Variants in CAMKMT observed in about 807,000 individuals in gnomAD.
CAMKMT encodes CaM KMT.
In CAMKMT, 53 loss-of-function variants were observed where a neutral mutation model predicts 48.0. The ratio of observed to expected loss-of-function variants is 1.10; its 90% confidence interval spans 0.89 to 1.39. The LOEUF is 1.39. Among genes scored for constraint, CAMKMT ranks in the 40% most tolerant of loss-of-function variants. The pLI is 0.00. For synonymous variants in CAMKMT, 165 were observed against 152.3 expected, an observed-to-expected ratio of 1.08 and a Z score of -0.61; for missense variants, 428 against 402.7, an observed-to-expected ratio of 1.06 and a Z score of -0.54.
intron 9 of CAMKMT, among the ~76,000 whole-genome samples, chr2:44,763,162 T>C (rs962507751): frequency 6.6e-6 from 1 of 152,178 alleles, no homozygotes; most frequent in Non-Finnish European, 1.5e-5. Context: ...TGATGGGCTC[T>C]TTTCCATCCT....
chr2:44,712,600 G>T (rs1677942515), intron 6 of CAMKMT, among the ~76,000 whole-genome samples: 1 of 152,102 alleles, frequency 6.6e-6, no homozygotes, highest in Non-Finnish European at 1.5e-5. Context: ...ATATCCTGTA[G>T]CTCTGGAAGT....
chr2:44,439,098 C>A (rs560450417), intron 3 of CAMKMT, among the ~76,000 whole-genome samples: 1 of 152,248 alleles, frequency 6.6e-6, no homozygotes, highest in African/African-American at 2.4e-5. Flanking sequence ...GAAAAGTAAC[C>A]ATACTTTCCT....
At chr2:44,600,995 G>A (rs1670952711) in intron 3 of CAMKMT, among the ~76,000 whole-genome samples, 1 of 151,960 alleles carries the variant, frequency 6.6e-6, no homozygotes, top group African/African-American at 2.4e-5. Context: ...CCAGGTTTCT[G>A]TCATATCCTA....
chr2:44,509,750 T>C (rs1194513597), intron 3 of CAMKMT, among the ~76,000 whole-genome samples: 1 of 152,152 alleles, frequency 6.6e-6, no homozygotes, highest in Non-Finnish European at 1.5e-5. Flanking sequence ...GAGTTGTCAC[T>C]ATTGTAGAAC....
intron 3 of CAMKMT, among the ~76,000 whole-genome samples, chr2:44,550,966 T>C (rs866011915): frequency 1.1e-4 from 17 of 152,210 alleles, no homozygotes; most frequent in Non-Finnish European, 1.5e-4. Context: ...CCTAAACTTC[T>C]GTACACAATA....
intron 3 of CAMKMT, among the ~76,000 whole-genome samples, chr2:44,547,365 A>G (rs1366447718): frequency 1.3e-5 from 2 of 152,128 alleles, no homozygotes; most frequent in African/African-American, 2.4e-5. Flanking sequence ...TGGCTCTAAA[A>G]AATGTTAGAT....
chr2:44,400,905 T>TGC (rs1682303985), intron 3 of CAMKMT: 2 of 145,326 alleles, frequency 1.4e-5, no homozygotes, highest in Admixed American at 7.1e-5. Context: ...TGTATGTGTG[T>TGC]ATGTGCATGT....
chr2:44,728,399 G>A (rs1320020348), intron 7 of CAMKMT, among the ~76,000 whole-genome samples: 1 of 152,178 alleles, frequency 6.6e-6, no homozygotes, highest in East Asian at 1.9e-4. Context: ...TTGTGTCTTT[G>A]CCAGAGATTG....
At chr2:44,729,315 A>G (rs542965828) in intron 7 of CAMKMT, among the ~76,000 whole-genome samples, 1 of 152,336 alleles carries the variant, frequency 6.6e-6, no homozygotes, top group African/African-American at 2.4e-5. Flanking sequence ...GAACATAACT[A>G]CGGGAATTGG....
At chr2:44,486,608 A>G (rs1669230376) in intron 3 of CAMKMT, among the ~76,000 whole-genome samples, 1 of 152,230 alleles carries the variant, frequency 6.6e-6, no homozygotes, top group African/African-American at 2.4e-5. Context: ...TTCTTTACCT[A>G]CACAGGATAG....
chr2:44,391,394 AC>A (rs1333411369), intron 3 of CAMKMT, among the ~76,000 whole-genome samples: 3 of 152,002 alleles, frequency 2.0e-5, no homozygotes, highest in Non-Finnish European at 4.4e-5. Flanking sequence ...TTTTCCAAAC[AC>A]CAACTTGAAC....
intron 3 of CAMKMT, among the ~76,000 whole-genome samples, chr2:44,483,903 A>T (rs1437657369): frequency 6.6e-6 from 1 of 152,162 alleles, no homozygotes; most frequent in East Asian, 1.9e-4. Flanking sequence ...TTGTCACAAA[A>T]ATATATTTCT....
chr2:44,501,719 A>G (rs981004568), intron 3 of CAMKMT, among the ~76,000 whole-genome samples: 13 of 152,134 alleles, frequency 8.5e-5, no homozygotes, highest in East Asian at 3.9e-4. Context: ...AGGATGTAAC[A>G]TTAGAAAACG....
chr2:44,669,706 C>T (rs748752754), intron 3 of CAMKMT, among the ~76,000 whole-genome samples: 4 of 152,056 alleles, frequency 2.6e-5, no homozygotes, highest in Non-Finnish European at 4.4e-5. Context: ...GGCACAATCC[C>T]GGCTCACTGC....
Position 44,460,154 on chromosome 2 carries a change from A to C in CAMKMT, c.376+69849A>C, listed in dbSNP as rs373722432. ...AAAGGAGATAATAGATTCTGCTTTAATTTGCATAATCAAAGCTTCTCATTT... is the reference window on the plus strand; with the variant it reads ...AAAGGAGATAATAGATTCTGCTTTACTTTGCATAATCAAAGCTTCTCATTT... On this transcript the variant is annotated intron_variant, in intron 3 of 10. Transcript: ENST00000378494. Among the ~76,000 whole-genome samples, 197 of 152,330 alleles carry C rather than the reference A, an allele frequency of 1.3e-3. 1 individual carries two copies. Among genetic ancestry groups the C allele is most frequent in the African/African-American group, 4.6e-3 (190 of 41,576 alleles).
chr2:44,364,422 C>T (rs765293387), intron 1 of CAMKMT, among the ~76,000 whole-genome samples: 5 of 152,176 alleles, frequency 3.3e-5, no homozygotes, highest in Middle Eastern at 3.2e-3. Context: ...TCAGCCAACT[C>T]TACCAATGAG....
At chr2:44,678,510 CTTGGGCTGAATTCA>C (rs902012765) in intron 3 of CAMKMT, among the ~76,000 whole-genome samples, 5 of 152,234 alleles carry the variant, frequency 3.3e-5, no homozygotes, top group Non-Finnish European at 7.3e-5. Context: ...TCTCCAAACA[CTTGGGCTGAATTCA>C]TTACTCCTGC....
intron 8 of CAMKMT, among the ~76,000 whole-genome samples, chr2:44,751,262 G>A (rs1680143767): frequency 6.6e-6 from 1 of 152,154 alleles, no homozygotes; most frequent in Non-Finnish European, 1.5e-5. Context: ...ACCAGTCAGT[G>A]CTCTCTTCCG....
rs190143472 is a variant in CAMKMT at position 44,518,481 on chromosome 2, A to G, written c.376+128176A>G. On this transcript the variant is annotated intron_variant, in intron 3 of 10. Coordinates refer to ENST00000378494, the MANE Select transcript of CAMKMT (RefSeq NM_024766.5). ...GTAGGAGGAATAATCCAATGTAACA[A>G]TAGAACACATGAATCTACTGTATAT... 1.2e-3 allele frequency among the ~76,000 whole-genome samples: 183 copies of G among 152,342 alleles called. 1 individual carries two copies. The highest frequency in any genetic ancestry group is 0.01 in the Admixed American group (153 of 15,300).
Sources: gnomAD v4.1 joint callset for allele counts (sites outside exome capture counted in the v4.1 genomes callset) on GRCh38, gnomAD v4.1.1 for gene constraint, MANE v1.5 for transcripts, NCBI Gene and HGNC (gene_info 2026-07-23, HGNC 2026-07-21) for gene names.